The following ZNF445 variants were observed in gnomAD, a reference collection of about 807,000 sequenced individuals.
ZNF445 encodes the protein zinc finger protein 168.
Under a neutral mutation model 93.9 loss-of-function variants are expected in ZNF445, and 19 were observed. The ratio of observed to expected loss-of-function variants is 0.20; its 90% confidence interval spans 0.14 to 0.30. The LOEUF (loss-of-function observed/expected upper bound fraction) is 0.30, where lower values mean the gene tolerates loss of function less well. Among genes scored for constraint, ZNF445 ranks in the 10% least tolerant of loss-of-function variants. The probability of loss-of-function intolerance (pLI) is 1.00; values close to 1 mark genes in which losing one functional copy is unlikely to be tolerated. For synonymous variants in ZNF445, 449 were observed against 446.3 expected (o/e 1.01, Z -0.08); for missense variants, 1,058 against 1,259.4 (o/e 0.84, Z 2.42).
chr3:44,468,475 G>A (rs548943464), intron 1 of ZNF445, among the ~76,000 whole-genome samples: 42 of 152,214 alleles, frequency 2.8e-4, no homozygotes, highest in African/African-American at 8.4e-4. Flanking sequence ...TTGCCTTTGC[G>A]GGACTAACAT....
At chr3:44,469,055 A>C (rs918320350) in intron 1 of ZNF445, among the ~76,000 whole-genome samples, 5 of 152,050 alleles carry the variant, frequency 3.3e-5, no homozygotes, top group African/African-American at 1.2e-4. Context: ...AAAAAAAAAA[A>C]AGCATTTTAT....
chr3:44,438,843 A>T lies in ZNF445; in HGVS notation c.*7732T>A, dbSNP rs1338980022. On this transcript the variant is annotated 3_prime_UTR_variant, in exon 8 of 8. Transcript: ENST00000396077. ...AGAAAACATGGACACAGGAAGGGGA[A>T]CATCACACTCTGGGGACTGTTGTGG... 10 of 108,962 alleles carry T rather than the reference A, an allele frequency of 9.2e-5. No individual in the cohort carries two copies. The highest frequency in any genetic ancestry group is 4.4e-3 in the Middle Eastern group (1 of 226). 6.7% of individuals were successfully genotyped at this position (108,962 alleles called of 1,614,324 possible). A position where few individuals can be genotyped will look rare whatever the true frequency, so the allele number is the denominator to read the frequency against.
rs1398087776 is a variant in ZNF445 at position 44,436,590 on chromosome 3, A to G, written c.*9985T>C. ...ATTTACATATCTTCCTCTACAGTAT[A>G]CCAACGAAGTTCTCGCATTTCAACT... is the stretch of plus-strand genomic sequence containing the variant. On this transcript the variant is annotated 3_prime_UTR_variant, in exon 8 of 8. Coordinates refer to ENST00000396077, the MANE Select transcript of ZNF445 (RefSeq NM_181489.6). The G allele has an allele frequency of 6.6e-6, 1 of 152,128 alleles. No homozygotes were observed. The highest frequency in any genetic ancestry group is 2.4e-5 in the African/African-American group (1 of 41,420). 9.4% of individuals were successfully genotyped at this position (152,128 alleles called of 1,614,324 possible).
At chr3:44,462,879 A>G (rs1391409045) in intron 1 of ZNF445, among the ~76,000 whole-genome samples, 1 of 152,108 alleles carries the variant, frequency 6.6e-6, no homozygotes, top group African/African-American at 2.4e-5. Context: ...TAAGAGTGCT[A>G]TGGTTAAAAG....
At chr3:44,471,846 A>G (rs1475329917) in intron 1 of ZNF445, among the ~76,000 whole-genome samples, 1 of 151,492 alleles carries the variant, frequency 6.6e-6, no homozygotes, top group Non-Finnish European at 1.5e-5. Context: ...TGGAGTAAGA[A>G]TAAGTATTCA....
chr3:44,462,279 T>G (rs1055161997), intron 1 of ZNF445, among the ~76,000 whole-genome samples: 3 of 152,248 alleles, frequency 2.0e-5, no homozygotes, highest in Admixed American at 2.0e-4. Flanking sequence ...TCTTGTTTTC[T>G]GTCCTCAAGA....
rs1432686023 is a variant in ZNF445 at position 44,432,301 on chromosome 3, G to C, written c.*14274C>G. 1 of 152,374 alleles carries C rather than the reference G, an allele frequency of 6.6e-6. No individual in the cohort carries two copies. Among genetic ancestry groups the C allele is most frequent in the Non-Finnish European group, 1.5e-5 (1 of 68,490 alleles). 9.4% of individuals were successfully genotyped at this position (152,374 alleles called of 1,614,324 possible). The stretch of plus-strand genomic sequence containing the variant: ...TGTGTGTGTGTGTGTGTGTGTGTGT[G>C]TGTGTGTGGATGGAGATAGAGAGAG... On this transcript the variant is annotated 3_prime_UTR_variant, in exon 8 of 8. Transcript: ENST00000396077.
Position 44,431,926 on chromosome 3 carries a change from ATTTTTTT to A in ZNF445, c.*14642_*14648del, listed in dbSNP as rs1293537257. On this transcript the variant is annotated 3_prime_UTR_variant, in exon 8 of 8. Transcript: ENST00000396077. ...ATATGAAATTTATTTTTTATTTTTTATTTTTTTGAGACAGGGTCGCTCTGTCTTCTGG... is the reference window on the plus strand; with the variant it reads ...ATATGAAATTTATTTTTTATTTTTTAGAGACAGGGTCGCTCTGTCTTCTGG... 6.6e-6 allele frequency: 1 copy of A among 151,894 alleles called. No homozygotes were observed. The highest frequency in any genetic ancestry group is 2.4e-5 in the African/African-American group (1 of 41,292). 9.4% of individuals were successfully genotyped at this position (151,894 alleles called of 1,614,324 possible). A position where few individuals can be genotyped will look rare whatever the true frequency, so the allele number is the denominator to read the frequency against.
At chr3:44,455,794 C>T (rs1222927395) in intron 2 of ZNF445, 98 bp from the exon 3 acceptor site, 1 of 464,770 alleles carries the variant, frequency 2.2e-6, no homozygotes, top group Non-Finnish European at 3.8e-6. Context: ...AGAGCGTTTG[C>T]ACAAAGGTAT....
At chr3:44,453,163 G>A (rs1406672172) in intron 3 of ZNF445, among the ~76,000 whole-genome samples, 1 of 151,810 alleles carries the variant, frequency 6.6e-6, no homozygotes, top group African/African-American at 2.4e-5. Flanking sequence ...CTGCCACCTC[G>A]GCCTCCCAAA....
chr3:44,467,357 G>T (rs1698210166), intron 1 of ZNF445, among the ~76,000 whole-genome samples: 1 of 152,118 alleles, frequency 6.6e-6, no homozygotes, highest in South Asian at 2.1e-4. Context: ...TTTGTAACAG[G>T]ACACAGCTGG....
Position 44,439,310 on chromosome 3 carries a change from CAAAAAAAAAAAA to C in ZNF445, c.*7253_*7264del, listed in dbSNP as rs556191734. 3.2e-5 allele frequency: 2 copies of C among 62,786 alleles called. No individual in the cohort carries two copies. The highest frequency in any genetic ancestry group is 4.7e-4 in the South Asian group (1 of 2,114). 3.9% of individuals were successfully genotyped at this position (62,786 alleles called of 1,614,324 possible). ...TGGGTGACAGGGTGAGACCTTGTCT[CAAAAAAAAAAAA>C]AAAAAAAAAGCAAAACGCAAAAAGC... On this transcript the variant is annotated 3_prime_UTR_variant, in exon 8 of 8. Transcript: ENST00000396077.
intron 3 of ZNF445, among the ~76,000 whole-genome samples, chr3:44,452,149 G>C (rs1697966322): frequency 6.6e-6 from 1 of 152,188 alleles, no homozygotes; most frequent in Non-Finnish European, 1.5e-5. Context: ...TCTGGTCTCT[G>C]AGGCAAGGCT....
intron 1 of ZNF445, among the ~76,000 whole-genome samples, chr3:44,464,559 T>G (rs1385355013): frequency 6.6e-6 from 1 of 152,230 alleles, no homozygotes; most frequent in South Asian, 2.1e-4. Context: ...TAAAGACTGA[T>G]AAAATAAAAT....
At chr3:44,455,762 G>A in intron 2 of ZNF445, 66 bp from the exon 3 acceptor site, 1 of 539,738 alleles carries the variant, frequency 1.9e-6, no homozygotes, top group South Asian at 2.8e-5. Context: ...TGCTGGTTGG[G>A]ATCATCTTTG....
Position 44,455,337 on chromosome 3 carries a change from T to C in ZNF445, c.213A>G (p.Glu71=), listed in dbSNP as rs773041946. ...LRYHESSGPL[E]TLSRLRELCR... ...AGAGTTCCCGGAGCCGGCTCAGAGTTTCTAGGGGCCCTGAAGACTCATGGT... is the reference window on the plus strand; with the variant it reads ...AGAGTTCCCGGAGCCGGCTCAGAGTCTCTAGGGGCCCTGAAGACTCATGGT... The change falls in exon 3 of 8, where the codon GAA becomes GAG. Residue 71 remains glutamate, a synonymous_variant. Coordinates refer to ENST00000396077, the MANE Select transcript of ZNF445 (RefSeq NM_181489.6). 7.4e-6 allele frequency: 12 copies of C among 1,613,742 alleles called. No individual in the cohort carries two copies. The highest frequency in any genetic ancestry group is 1.7e-5 in the Admixed American group (1 of 59,974).
chr3:44,434,362 G>A lies in ZNF445; in HGVS notation c.*12213C>T, dbSNP rs1697630649. 6.6e-6 allele frequency: 1 copy of A among 151,566 alleles called. No homozygotes were observed. Among genetic ancestry groups the A allele is most frequent in the East Asian group, 1.9e-4 (1 of 5,164 alleles). The allele number at this position is 151,566 out of a possible 1,614,324, so 9.4% of individuals were successfully genotyped here. ...GGAGGTGCAGGTTGCAGTGAGCCAAGATTGCCTCCACTCCAGCTCGAGCTA... is the reference window on the plus strand; with the variant it reads ...GGAGGTGCAGGTTGCAGTGAGCCAAAATTGCCTCCACTCCAGCTCGAGCTA... On this transcript the variant is annotated 3_prime_UTR_variant, in exon 8 of 8. Coordinates refer to ENST00000396077, the MANE Select transcript of ZNF445 (RefSeq NM_181489.6).
At chr3:44,473,957 G>GTATGTAAGTATCCAATGAATGCC (rs1698308395) in intron 1 of ZNF445, among the ~76,000 whole-genome samples, 1 of 152,236 alleles carries the variant, frequency 6.6e-6, no homozygotes, top group African/African-American at 2.4e-5. Flanking sequence ...AATGAGAATT[G>GTATGTAAGTATCCAATGAATGCC]TATGTAAGTA....
At chr3:44,449,481 G>T in intron 7 of ZNF445, 32 bp downstream of exon 7, 1 of 1,515,542 alleles carries the variant, frequency 6.6e-7, no homozygotes, top group Non-Finnish European at 9.2e-7. Context: ...AAAGCAGGAG[G>T]AGCAGGACCT....
Sources: allele counts gnomAD v4.1 joint callset (sites outside exome capture counted in the v4.1 genomes callset), GRCh38; gene constraint gnomAD v4.1.1; transcripts MANE v1.5; gene names NCBI Gene and HGNC (gene_info 2026-07-23, HGNC 2026-07-21).